Variants in INPP4A observed in about 807,000 individuals in gnomAD.
INPP4A encodes the protein inositol polyphosphate-4-phosphatase, type I, 107kD.
In INPP4A, 33 loss-of-function variants were observed where a neutral mutation model predicts 119.8. The ratio of observed to expected loss-of-function variants is 0.28; its 90% CI spans 0.21 to 0.37. The LOEUF is 0.37. INPP4A is among the 10% of genes least tolerant of loss of function. INPP4A has a pLI of 1.00. For missense variants in INPP4A, 956 were observed against 1,289.9 expected (o/e 0.74, Z 3.97); for synonymous variants, 496 against 500.7 (o/e 0.99, Z 0.12).
chr2:98,544,583 T>C (rs1223612828), intron 11 of INPP4A, among the ~76,000 whole-genome samples: 1 of 152,226 alleles, frequency 6.6e-6, no homozygotes, highest in Non-Finnish European at 1.5e-5. Flanking sequence ...TTCAAAACAC[T>C]CTCAGGGCAG....
intron 4 of INPP4A, among the ~76,000 whole-genome samples, chr2:98,524,079 A>G (rs1687733870): frequency 6.6e-6 from 1 of 152,198 alleles, no homozygotes; most frequent in Admixed American, 6.5e-5. Context: ...TACTTATTTT[A>G]GCCAGCCTCC....
Position 98,570,324 on chromosome 2 carries a change from G to A in INPP4A, c.2518+1656G>A, listed in dbSNP as rs1171991458. Among the ~76,000 whole-genome samples, 8 of 152,206 alleles carry A rather than the reference G, an allele frequency of 5.3e-5. No homozygotes were observed. The highest frequency in any genetic ancestry group is 1.7e-4 in the African/African-American group (7 of 41,458). Reference sequence around the variant, plus strand: ...GCATCTGGAGGGGCCCCTGCTCTGGGGGACAGCGAGGAAGAAGGGACTCAA... The same window carrying A: ...GCATCTGGAGGGGCCCCTGCTCTGGAGGACAGCGAGGAAGAAGGGACTCAA... On this transcript the variant is annotated intron_variant, in intron 22 of 24. Transcript: ENST00000409851. This position sits in a 1 kb window ranked among gnomAD's most constrained non-coding sequence, Gnocchi z 4.3.
intron 1 of INPP4A, among the ~76,000 whole-genome samples, chr2:98,459,925 A>C (rs1246092384): frequency 2.0e-5 from 3 of 152,250 alleles, no homozygotes; most frequent in African/African-American, 7.2e-5. Context: ...CTGCTGCCCC[A>C]GTAAGTTCTC....
At chr2:98,513,298 C>T (rs1353131383) in intron 1 of INPP4A, among the ~76,000 whole-genome samples, 1 of 152,204 alleles carries the variant, frequency 6.6e-6, no homozygotes, top group East Asian at 1.9e-4. Flanking sequence ...TCTTCCTGGG[C>T]GGCCCCCTCA....
chr2:98,497,874 G>A (rs751037343), intron 1 of INPP4A, among the ~76,000 whole-genome samples: 8 of 152,088 alleles, frequency 5.3e-5, no homozygotes, highest in African/African-American at 1.4e-4. Flanking sequence ...GCCTGGGACC[G>A]GTAGCCCCTT....
intron 1 of INPP4A, among the ~76,000 whole-genome samples, chr2:98,470,326 C>T (rs938575924): frequency 3.9e-5 from 6 of 152,232 alleles, no homozygotes; most frequent in South Asian, 4.1e-4. Flanking sequence ...ACCCAGTGCA[C>T]GTGCAGCCCC....
At chr2:98,491,587 T>G (rs1313795282) in intron 1 of INPP4A, among the ~76,000 whole-genome samples, 1 of 152,148 alleles carries the variant, frequency 6.6e-6, no homozygotes, top group Non-Finnish European at 1.5e-5. Context: ...GCAAGCCAGG[T>G]GCGTTTAATA....
chr2:98,512,267 CAG>C (rs1685258864), intron 1 of INPP4A, among the ~76,000 whole-genome samples: 1 of 152,214 alleles, frequency 6.6e-6, no homozygotes, highest in Non-Finnish European at 1.5e-5. Flanking sequence ...AGAAGCTCAG[CAG>C]CTCTTTCACC....
intron 1 of INPP4A, among the ~76,000 whole-genome samples, chr2:98,498,768 C>G (rs1682551796): frequency 6.6e-6 from 1 of 152,162 alleles, no homozygotes; most frequent in Non-Finnish European, 1.5e-5. Context: ...GAACCCTAAT[C>G]TCATAGAACT....
At chr2:98,510,651 CAG>C (rs1468551322) in intron 1 of INPP4A, among the ~76,000 whole-genome samples, 5 of 152,304 alleles carry the variant, frequency 3.3e-5, no homozygotes, top group Non-Finnish European at 7.3e-5. Flanking sequence ...CCAGAGCCCT[CAG>C]GGTCTAATCA....
rs770686205 is a variant in INPP4A at position 98,520,130 on chromosome 2, G to T, written c.82G>T (p.Asp28Tyr). The change falls in exon 3 of 25, where the codon GAC becomes TAC. Residue 28 changes from aspartate (D) to tyrosine (Y), a missense_variant. Transcript: ENST00000409851. ...GGCTTCCACCATCGACGTGGCGGCC[G>T]ACATGCTGGGCCTCTCTCTGGCAGG... ...QRASTIDVAADMLGLSLAGNI... is the reference protein window; with the variant it reads ...QRASTIDVAAYMLGLSLAGNI... 1 of 1,561,146 alleles carries T rather than the reference G, an allele frequency of 6.4e-7. No individual in the cohort carries two copies. Among genetic ancestry groups the T allele is most frequent in the South Asian group, 1.2e-5 (1 of 84,738 alleles).
intron 23 of INPP4A, among the ~76,000 whole-genome samples, chr2:98,576,213 G>T (rs1469374059): frequency 6.6e-6 from 1 of 152,218 alleles, no homozygotes; most frequent in East Asian, 1.9e-4. Context: ...TTCAGAGCTT[G>T]ATGGATTTGG....
chr2:98,559,327 G>T lies in INPP4A; in HGVS notation c.1823-136G>T, dbSNP rs1323921175. On this transcript the variant is annotated intron_variant, in intron 16 of 24. Coordinates refer to ENST00000409851, the MANE Select transcript of INPP4A (RefSeq NM_001134225.2). ...GCCTTCTTGGGGAAGAGGCAGCCAG[G>T]CACCCAGACCTCTTTTCTGTTTGTT... 9 of 917,112 alleles carry T rather than the reference G, an allele frequency of 9.8e-6. No homozygotes were observed. The Admixed American group carries it at 1.2e-4, about 13-fold the overall frequency. The allele number at this position is 917,112 out of a possible 1,614,324, so 56.8% of individuals were successfully genotyped here.
intron 1 of INPP4A, among the ~76,000 whole-genome samples, chr2:98,493,206 T>C (rs940678783): frequency 7.9e-5 from 12 of 152,050 alleles, no homozygotes; most frequent in Admixed American, 3.9e-4. Context: ...CTGTGTTTTT[T>C]GGAAAGGGTG....
At chr2:98,480,188 G>A (rs1281530021) in intron 1 of INPP4A, among the ~76,000 whole-genome samples, 3 of 152,162 alleles carry the variant, frequency 2.0e-5, no homozygotes, top group Admixed American at 2.0e-4. Context: ...TTCTGTTTCT[G>A]TAGGGCATTG....
chr2:98,524,257 T>C (rs1037691695), intron 4 of INPP4A, among the ~76,000 whole-genome samples: 8 of 141,966 alleles, frequency 5.6e-5, no homozygotes, highest in Non-Finnish European at 1.1e-4. Context: ...ACAGCATTTA[T>C]TTAGTGTTTA....
In INPP4A at chr2:98,536,188, T is replaced by C; in HGVS notation, c.447T>C (p.His149=). The C allele has an allele frequency of 1.2e-6, 2 of 1,608,904 alleles. No individual in the cohort carries two copies. ...AAGATCTGCTCCAGGACAGGCATCA[T>C]AGGTTGCATTTAACACTAAGGTTGG... The part of the protein sequence containing the change: ...IVKDLLQDRH[H]RLHLTLRSAE... The change falls in exon 7 of 25, where the codon CAT becomes CAC. Residue 149 remains histidine, a synonymous_variant. Transcript: ENST00000409851.
intron 3 of INPP4A, 77 bp from the exon 4 acceptor site, chr2:98,520,610 G>A (rs1687004876): frequency 2.4e-6 from 2 of 846,852 alleles, no homozygotes; most frequent in Non-Finnish European, 3.8e-6. Context: ...GGAAGTAGAG[G>A]GTCATTTGTG....
intron 4 of INPP4A, among the ~76,000 whole-genome samples, chr2:98,529,750 A>G (rs1486684785): frequency 6.6e-6 from 1 of 152,168 alleles, no homozygotes; most frequent in East Asian, 1.9e-4. Flanking sequence ...TAAAAAACAA[A>G]AAAAGACAAA....
Sources: gnomAD v4.1 joint callset for allele counts (sites outside exome capture counted in the v4.1 genomes callset) on GRCh38, gnomAD v4.1.1 for gene constraint, Gnocchi (gnomAD v3.1) non-coding constraint, MANE v1.5 for transcripts, NCBI Gene and HGNC (gene_info 2026-07-23, HGNC 2026-07-21) for gene names.